MEGF10: variants seen among roughly 807,000 people sequenced by gnomAD.
The protein encoded by MEGF10 is multiple EGF like domains 10.
Under a neutral mutation model 147.5 loss-of-function variants are expected in MEGF10, and 86 were observed. The observed-to-expected ratio is 0.58, with a 90% CI of 0.49 to 0.70. MEGF10 has a LOEUF of 0.70. Ranked by LOEUF, MEGF10 falls within the 30% of genes least tolerant of loss-of-function variation. The pLI is 0.00. For missense variants in MEGF10, 1,329 were observed against 1,487.3 expected (o/e 0.89, Z 1.75); for synonymous variants, 478 against 525.5 (o/e 0.91, Z 1.24).
the MEGF10 span, among the ~76,000 whole-genome samples, chr5:127,270,608 A>C: frequency 1.4e-4 from 21 of 152,278 alleles, no homozygotes; most frequent in African/African-American, 4.3e-4. Flanking sequence ...TTACAAAGAG[A>C]CTTAGACTCC....
chr5:127,311,741 C>G (rs1483884854), intron 1 of MEGF10, among the ~76,000 whole-genome samples: 9 of 152,200 alleles, frequency 5.9e-5, no homozygotes, highest in African/African-American at 2.2e-4. Context: ...AGATCCCTCA[C>G]TCGCCTATGT....
At chr5:127,267,749 CT>C in the MEGF10 span, among the ~76,000 whole-genome samples, 1 of 152,128 alleles carries the variant, frequency 6.6e-6, no homozygotes, top group Admixed American at 6.6e-5. Flanking sequence ...GTTTGTATTT[CT>C]GTGGGATCAG....
chr5:127,445,736 T>G, intron 20 of MEGF10, 43 bp downstream of exon 20: 2 of 1,434,672 alleles, frequency 1.4e-6, no homozygotes, highest in Non-Finnish European at 2.0e-6. Flanking sequence ...CTTGAAAAGT[T>G]AAATTTCATT....
At chr5:127,233,029 A>T in the MEGF10 span, among the ~76,000 whole-genome samples, 2 of 152,112 alleles carry the variant, frequency 1.3e-5, no homozygotes, top group Non-Finnish European at 2.9e-5. Context: ...TCTCTCAGAG[A>T]CTTTGTGGTT....
intron 4 of MEGF10, among the ~76,000 whole-genome samples, chr5:127,357,539 G>T (rs1379348314): frequency 6.6e-6 from 1 of 151,326 alleles, no homozygotes; most frequent in Non-Finnish European, 1.5e-5. Flanking sequence ...AGTGAGCTGA[G>T]ATTGTGCCAC....
chr5:127,391,096 GCGCGCGCACACACACA>G (rs1358121640), intron 5 of MEGF10, among the ~76,000 whole-genome samples: 1 of 29,366 alleles, frequency 3.4e-5, no homozygotes, highest in Non-Finnish European at 1.2e-4. Flanking sequence ...ATGCGCGCGC[GCGCGCGCACACACACA>G]CACACACACA....
chr5:127,281,304 T>C, the MEGF10 span, among the ~76,000 whole-genome samples: 4 of 152,192 alleles, frequency 2.6e-5, no homozygotes, highest in Admixed American at 2.6e-4. Context: ...GTGTAACCAG[T>C]TTATTGGAGA....
chr5:127,392,569 C>T (rs1470212940), intron 5 of MEGF10, among the ~76,000 whole-genome samples: 2 of 152,118 alleles, frequency 1.3e-5, no homozygotes, highest in East Asian at 1.9e-4. Flanking sequence ...AATGGAAAGC[C>T]GCTAGAAGCC....
chr5:127,364,649 T>C (rs900288216), intron 4 of MEGF10, among the ~76,000 whole-genome samples: 1 of 152,228 alleles, frequency 6.6e-6, no homozygotes, highest in Non-Finnish European at 1.5e-5. Context: ...CTGTGCACTT[T>C]GTAATTTTGT....
rs550523047 is a variant in MEGF10 at position 127,445,323 on chromosome 5, G to A, written c.2492-134G>A. 2.1e-5 allele frequency: 15 copies of A among 710,336 alleles called. No homozygotes were observed. In the South Asian group the frequency reaches 2.5e-4, roughly 12 times the overall value. The allele number at this position is 710,336 out of a possible 1,614,324, so 44.0% of individuals were successfully genotyped here. A position where few individuals can be genotyped will look rare whatever the true frequency, so the allele number is the denominator to read the frequency against. On this transcript the variant is annotated intron_variant, in intron 19 of 24. Transcript: ENST00000503335. ...TGAGGAATGTTTGCTTTTTCTTCCT[G>A]CTCTGTTTCCAAATTAATGTTTTAT...
chr5:127,278,652 A>G, the MEGF10 span, among the ~76,000 whole-genome samples: 1 of 152,178 alleles, frequency 6.6e-6, no homozygotes. Context: ...CTTAAATGAG[A>G]GTGTGGTCAA....
In MEGF10 at chr5:127,455,399, A is replaced by G; in HGVS notation, c.3026-2A>G. ...GCTTTCTCTTCTCATTTCTCTTCAC[A>G]GACCTGGGAAAGAATTCTGAATATA... On this transcript the variant is annotated splice_acceptor_variant, in intron 23 of 24. Transcript: ENST00000503335. LOFTEE classifies it high-confidence loss of function. 6.2e-7 allele frequency: 1 copy of G among 1,613,194 alleles called. No individual in the cohort carries two copies. Among genetic ancestry groups the G allele is most frequent in the Non-Finnish European group, 8.5e-7 (1 of 1,179,332 alleles).
chr5:127,428,300 G>C (rs904005965), intron 13 of MEGF10, among the ~76,000 whole-genome samples: 3 of 151,972 alleles, frequency 2.0e-5, no homozygotes, highest in Non-Finnish European at 4.4e-5. Context: ...GAAAGATTTG[G>C]TTTAACAACC....
At chr5:127,331,655 T>C (rs756020239) in intron 2 of MEGF10, among the ~76,000 whole-genome samples, 13 of 152,114 alleles carry the variant, frequency 8.5e-5, no homozygotes, top group Non-Finnish European at 1.5e-4. Context: ...GCAGGTGCAA[T>C]TGTAAGATTC....
At chr5:127,360,334 T>A (rs1762425283) in intron 4 of MEGF10, among the ~76,000 whole-genome samples, 1 of 152,082 alleles carries the variant, frequency 6.6e-6, no homozygotes, top group African/African-American at 2.4e-5. Context: ...TAGTGACTTT[T>A]ATCTGTAATT....
intron 1 of MEGF10, among the ~76,000 whole-genome samples, chr5:127,297,061 G>A (rs985281387): frequency 2.0e-5 from 3 of 152,120 alleles, no homozygotes; most frequent in Non-Finnish European, 4.4e-5. Context: ...CCGCCTCTGG[G>A]GTTCAAGTGA....
intron 13 of MEGF10, 87 bp from the exon 14 acceptor site, chr5:127,433,276 G>A: frequency 1.3e-6 from 2 of 1,542,846 alleles, no homozygotes; most frequent in Non-Finnish European, 1.8e-6. Context: ...GTTTAACACT[G>A]TGAGCTTAGT....
chr5:127,276,699 G>A, the MEGF10 span, among the ~76,000 whole-genome samples: 1 of 152,268 alleles, frequency 6.6e-6, no homozygotes. Flanking sequence ...ATCTCTTCAT[G>A]CTTGAGATAC....
intron 5 of MEGF10, among the ~76,000 whole-genome samples, chr5:127,372,307 G>A (rs572432796): frequency 6.6e-6 from 1 of 152,172 alleles, no homozygotes; most frequent in South Asian, 2.1e-4. Context: ...AATACAAATT[G>A]GTTTTATTTG....
Sources: gnomAD v4.1 joint callset for allele counts (sites outside exome capture counted in the v4.1 genomes callset) on GRCh38, gnomAD v4.1.1 for gene constraint, MANE v1.5 for transcripts, NCBI Gene and HGNC (gene_info 2026-07-23, HGNC 2026-07-21) for gene names.